The following TENM3 variants were observed in gnomAD, a reference collection of about 807,000 sequenced individuals.
The protein encoded by TENM3 is teneurin-3.
In TENM3, 63 loss-of-function variants were observed where a neutral mutation model predicts 255.1. The ratio of observed to expected loss-of-function variants is 0.25; its 90% CI spans 0.20 to 0.30. TENM3 has a LOEUF of 0.30. TENM3 is among the 10% of genes least tolerant of loss of function. The probability of loss-of-function intolerance (pLI) is 1.00; values close to 1 mark genes in which losing one functional copy is unlikely to be tolerated. For synonymous variants in TENM3, 1,306 were observed against 1,322.3 expected (o/e 0.99, Z 0.27); for missense variants, 2,929 against 3,461.1 (o/e 0.85, Z 3.86).
At position 182,777,547 on chromosome 4, in the gene TENM3, C is replaced by CTTTTTTTTTT. The variant is rs1157448732; in HGVS notation, c.5304+2413_5304+2422dup. On this transcript the variant is annotated intron_variant, in intron 24 of 27. Transcript: ENST00000511685. ...TGTGTGTGTGTGTGTGTGTGTATTTCTTTTTTTTTTTTTTTTTTTTTTTTT... is the reference window on the plus strand; with the variant it reads ...TGTGTGTGTGTGTGTGTGTGTATTTCTTTTTTTTTTTTTTTTTTTTTTTTTTTTTTTTTTT... Among the ~76,000 whole-genome samples the CTTTTTTTTTT allele has an allele frequency of 8.6e-4, 39 of 45,468 alleles. 9 individuals carry two copies. The highest frequency in any genetic ancestry group is 2.2e-3 in the African/African-American group (25 of 11,576). 29.8% of individuals were successfully genotyped at this position (45,468 alleles called of 152,430 possible). A position where few individuals can be genotyped will look rare whatever the true frequency, so the allele number is the denominator to read the frequency against.
Position 182,358,644 on chromosome 4 carries a change from T to C in TENM3, c.511+11715T>C, listed in dbSNP as rs921573856. ...CTGAGACAATGGGGTTTTCTAGATA[T>C]ACAATCATGTCGTCTGCAAACAGGG... On this transcript the variant is annotated intron_variant, in intron 3 of 27. Transcript: ENST00000511685. Among the ~76,000 whole-genome samples the C allele has an allele frequency of 1.2e-3, 189 of 151,392 alleles. 2 individuals carry two copies. In the East Asian group the frequency reaches 0.02, roughly 16 times the overall value.
At chr4:181,891,669 C>CTGCAGT in the TENM3 span, among the ~76,000 whole-genome samples, 1 of 152,146 alleles carries the variant, frequency 6.6e-6, no homozygotes, top group African/African-American at 2.4e-5. Context: ...ATTATTAAAC[C>CTGCAGT]TGCAGTTTCA....
At chr4:181,607,143 G>T in the TENM3 span, among the ~76,000 whole-genome samples, 1 of 152,176 alleles carries the variant, frequency 6.6e-6, no homozygotes, top group African/African-American at 2.4e-5. Flanking sequence ...TTTGGTCTTT[G>T]GCCCTTATCC....
chr4:181,766,650 G>T, the TENM3 span, among the ~76,000 whole-genome samples: 1 of 151,642 alleles, frequency 6.6e-6, no homozygotes, highest in African/African-American at 2.4e-5. Context: ...CAAAGAAAAA[G>T]GATTCCTCAG....
At chr4:182,702,459 A>T (rs1443701642) in intron 12 of TENM3, among the ~76,000 whole-genome samples, 1 of 152,164 alleles carries the variant, frequency 6.6e-6, no homozygotes. Context: ...ATAGTCACTT[A>T]AAAAATACCA....
chr4:181,892,453 T>C, the TENM3 span, among the ~76,000 whole-genome samples: 1 of 152,196 alleles, frequency 6.6e-6, no homozygotes, highest in African/African-American at 2.4e-5. Flanking sequence ...TCACCATGTA[T>C]TCCATTTGTT....
At chr4:181,554,946 G>A in the TENM3 span, among the ~76,000 whole-genome samples, 49 of 152,210 alleles carry the variant, frequency 3.2e-4, no homozygotes, top group South Asian at 2.7e-3. Flanking sequence ...CTTTGAATGC[G>A]TCTCTGCACT....
chr4:181,521,132 A>T, the TENM3 span, among the ~76,000 whole-genome samples: 1 of 152,198 alleles, frequency 6.6e-6, no homozygotes, highest in African/African-American at 2.4e-5. Context: ...GCTTAATTTG[A>T]GCAGCCATGG....
chr4:182,267,687 G>A (rs1157857422), intron 1 of TENM3, among the ~76,000 whole-genome samples: 1 of 149,256 alleles, frequency 6.7e-6, no homozygotes, highest in Non-Finnish European at 1.5e-5. Flanking sequence ...AATTCCTTCT[G>A]TGGAACAAAG....
rs143346527 is a variant in TENM3 at position 182,252,272 on chromosome 4, G to C, written c.-76+8796G>C. The stretch of plus-strand genomic sequence containing the variant: ...CTCTTAATTATTTAAGTATACACAC[G>C]ACTTTCTTTCATTATGCTCCTTATG... On this transcript the variant is annotated intron_variant, in intron 1 of 27. Coordinates refer to ENST00000511685, the MANE Select transcript of TENM3 (RefSeq NM_001080477.4). Among the ~76,000 whole-genome samples, 810 of 151,916 alleles carry C rather than the reference G, an allele frequency of 5.3e-3. 4 individuals carry two copies. The highest frequency in any genetic ancestry group is 0.019 in the African/African-American group (770 of 41,414).
At chr4:181,927,637 G>A in the TENM3 span, among the ~76,000 whole-genome samples, 1 of 152,242 alleles carries the variant, frequency 6.6e-6, no homozygotes, top group Non-Finnish European at 1.5e-5. Context: ...GCTCCGAAGA[G>A]AGCAGCAGCT....
chr4:182,468,099 G>C (rs145637797), intron 3 of TENM3, among the ~76,000 whole-genome samples: 5 of 152,164 alleles, frequency 3.3e-5, no homozygotes, highest in Admixed American at 3.3e-4. Context: ...GTTTAAAAAT[G>C]TTTTAGGCCG....
At chr4:182,771,194 CAG>C (rs1764177423) in intron 22 of TENM3, among the ~76,000 whole-genome samples, 1 of 152,156 alleles carries the variant, frequency 6.6e-6, no homozygotes, top group South Asian at 2.1e-4. Flanking sequence ...TCAGAGGTTG[CAG>C]AAATGCTTTC....
chr4:182,482,067 G>A (rs1365595410), intron 3 of TENM3, among the ~76,000 whole-genome samples: 1 of 152,032 alleles, frequency 6.6e-6, no homozygotes, highest in African/African-American at 2.4e-5. Context: ...TTATACTTCA[G>A]TTTTTACCTA....
chr4:182,311,423 T>C (rs548601961), intron 1 of TENM3, among the ~76,000 whole-genome samples: 15 of 152,214 alleles, frequency 9.9e-5, no homozygotes, highest in African/African-American at 3.4e-4. Flanking sequence ...CTCTCTTTTT[T>C]ACTTCTTAAA....
At chr4:181,634,177 C>T in the TENM3 span, among the ~76,000 whole-genome samples, 1 of 152,166 alleles carries the variant, frequency 6.6e-6, no homozygotes, top group Non-Finnish European at 1.5e-5. Flanking sequence ...ACATATTTGC[C>T]TTTGCCAACT....
At chr4:182,143,907 C>T (rs1749669304), upstream of TENM3, 2 of 152,642 alleles carry the variant, frequency 1.3e-5, no homozygotes, top group Non-Finnish European at 2.9e-5. The surrounding 1 kb of genome is among the most constrained non-coding windows in gnomAD (Gnocchi z 4.3). Flanking sequence ...TCGGTGCTTT[C>T]CCGAACCCGA....
intron 3 of TENM3, among the ~76,000 whole-genome samples, chr4:182,495,485 C>T (rs1334905064): frequency 6.9e-6 from 1 of 145,712 alleles, no homozygotes; most frequent in Non-Finnish European, 1.5e-5. Context: ...GGGACTGTTT[C>T]TTTAGTTTCC....
At chr4:181,998,114 G>A in the TENM3 span, among the ~76,000 whole-genome samples, 1 of 152,248 alleles carries the variant, frequency 6.6e-6, no homozygotes, top group African/African-American at 2.4e-5. Flanking sequence ...GAGATATAAT[G>A]AGTTTTCTTT....
Sources: allele counts gnomAD v4.1 joint callset (sites outside exome capture counted in the v4.1 genomes callset), GRCh38; gene constraint gnomAD v4.1.1; non-coding constraint Gnocchi (gnomAD v3.1); transcripts MANE v1.5; gene names NCBI Gene and HGNC (gene_info 2026-07-23, HGNC 2026-07-21).